PSEN1: variants seen among roughly 807,000 people sequenced by gnomAD.
PSEN1 encodes presenilin-1.
Under a neutral mutation model 53.5 loss-of-function variants are expected in PSEN1, and 15 were observed. The observed-to-expected ratio is 0.28, with a 90% CI of 0.19 to 0.43. The LOEUF (loss-of-function observed/expected upper bound fraction) is 0.43. PSEN1 is among the 20% of genes least tolerant of loss of function. The pLI is 1.00. For synonymous variants in PSEN1, 208 were observed against 209.8 expected, an observed-to-expected ratio of 0.99 and a Z score of 0.08; for missense variants, 387 against 571.2, an observed-to-expected ratio of 0.68 and a Z score of 3.29.
chr14:73,203,685 CAGAAAAA>C (rs1280637294), intron 8 of PSEN1, among the ~76,000 whole-genome samples: 1 of 152,086 alleles, frequency 6.6e-6, no homozygotes, highest in Non-Finnish European at 1.5e-5. Flanking sequence ...TGTCGTTTGA[CAGAAAAA>C]ATATACACCT....
chr14:73,176,338 C>T (rs1898046782), intron 5 of PSEN1, among the ~76,000 whole-genome samples: 1 of 152,160 alleles, frequency 6.6e-6, no homozygotes, highest in South Asian at 2.1e-4. Context: ...CTTTAGTTTC[C>T]CTGCTTTAGT....
chr14:73,145,765 A>G (rs1897052112), intron 1 of PSEN1, among the ~76,000 whole-genome samples: 2 of 152,232 alleles, frequency 1.3e-5, no homozygotes, highest in Admixed American at 6.5e-5. Flanking sequence ...CTGAACTGTC[A>G]TCAGGGACCG....
At chr14:73,166,339 C>G (rs891278920) in intron 3 of PSEN1, among the ~76,000 whole-genome samples, 2 of 152,126 alleles carry the variant, frequency 1.3e-5, no homozygotes, top group Non-Finnish European at 2.9e-5. Context: ...AGAAAGAAAA[C>G]AAGTTTTGAG....
chr14:73,140,493 G>A (rs1457377551), intron 1 of PSEN1, among the ~76,000 whole-genome samples: 1 of 152,078 alleles, frequency 6.6e-6, no homozygotes, highest in Non-Finnish European at 1.5e-5. Flanking sequence ...ACAGGTGCGA[G>A]CCACTGCACC....
chr14:73,171,052 G>A lies in PSEN1; in HGVS notation c.338+5G>A. ...TACCCGGAAGGATGGGCAGCTGTAC[G>A]TATGAGTTTTGTTTTATTATTCTCA... On this transcript the variant is annotated splice_donor_5th_base_variant and intron_variant, in intron 4 of 11. Coordinates refer to ENST00000324501, the MANE Select transcript of PSEN1 (RefSeq NM_000021.4). 2 of 1,614,072 alleles carry A rather than the reference G, an allele frequency of 1.2e-6. No individual in the cohort carries two copies. The highest frequency in any genetic ancestry group is 1.1e-5 in the South Asian group (1 of 91,074).
intron 3 of PSEN1, among the ~76,000 whole-genome samples, chr14:73,155,968 T>C (rs889004303): frequency 1.4e-4 from 22 of 152,314 alleles, no homozygotes; most frequent in African/African-American, 4.8e-4. Flanking sequence ...AGGATGTTGA[T>C]AGAGGCTGTT....
intron 8 of PSEN1, among the ~76,000 whole-genome samples, chr14:73,204,200 G>C (rs1374600448): frequency 1.3e-5 from 2 of 151,510 alleles, no homozygotes; most frequent in Non-Finnish European, 2.9e-5. Flanking sequence ...GTTTCTCCAT[G>C]TTGGTCAGGC....
intron 1 of PSEN1, chr14:73,137,264 G>T (rs902257379): frequency 6.6e-6 from 1 of 152,408 alleles, no homozygotes; most frequent in Admixed American, 6.5e-5. Context: ...GGTGGCAGAG[G>T]CTTACAAGAA....
chr14:73,143,506 A>G (rs1199336547), intron 1 of PSEN1, among the ~76,000 whole-genome samples: 2 of 152,042 alleles, frequency 1.3e-5, no homozygotes, highest in Non-Finnish European at 2.9e-5. Flanking sequence ...TCCTTTCCTC[A>G]TGAGGTTTCT....
chr14:73,152,956 T>C (rs1023983159), intron 3 of PSEN1, among the ~76,000 whole-genome samples: 2 of 152,122 alleles, frequency 1.3e-5, no homozygotes, highest in African/African-American at 2.4e-5. Context: ...AGCAAGAGGA[T>C]TGGTTTCAAG....
intron 1 of PSEN1, among the ~76,000 whole-genome samples, chr14:73,143,935 G>A (rs1164620860): frequency 7.5e-6 from 1 of 134,222 alleles, no homozygotes; most frequent in Non-Finnish European, 1.5e-5. Flanking sequence ...GCTGCAGTGA[G>A]CTATGATTGC....
rs1371962213 is a variant in PSEN1 at position 73,185,597 on chromosome 14, G to GA, written c.481-1255dup. ...GAGGGAGACCGTGGAAAGAGAGGGA[G>GA]AGGGAGACCGTGGGGAGAGAGAGGG... On this transcript the variant is annotated intron_variant, in intron 5 of 11. Transcript: ENST00000324501. 2.0e-5 allele frequency among the ~76,000 whole-genome samples: 3 copies of GA among 152,040 alleles called. No individual in the cohort carries two copies. In the East Asian group the frequency reaches 5.8e-4, roughly 29 times the overall value.
chr14:73,217,051 C>G (rs894951443), intron 10 of PSEN1, 75 bp from the exon 11 acceptor site: 1 of 1,442,250 alleles, frequency 6.9e-7, no homozygotes, highest in Non-Finnish European at 9.8e-7. Context: ...TTGAGTAGGG[C>G]AGTGATATTT....
rs1594964996 is a variant in PSEN1 at position 73,148,244 on chromosome 14, C to T, written c.87+138C>T. 5 of 751,506 alleles carry T rather than the reference C, an allele frequency of 6.7e-6. No individual in the cohort carries two copies. In the East Asian group the frequency reaches 1.3e-4, roughly 20 times the overall value. The allele number at this position is 751,506 out of a possible 1,614,324, so 46.6% of individuals were successfully genotyped here. ...TTATAATATATTTGGTGAACTTCAGCTGATTGCTGGAGGACACAGGGCTGT... is the reference window on the plus strand; with the variant it reads ...TTATAATATATTTGGTGAACTTCAGTTGATTGCTGGAGGACACAGGGCTGT... On this transcript the variant is annotated intron_variant, in intron 3 of 11. Transcript: ENST00000324501.
chr14:73,191,534 G>T (rs993975303), intron 6 of PSEN1, among the ~76,000 whole-genome samples: 1 of 151,724 alleles, frequency 6.6e-6, no homozygotes, highest in Non-Finnish European at 1.5e-5. Context: ...TCCAAAATAC[G>T]TACATATATT....
Position 73,217,119 on chromosome 14 carries a change from T to C in PSEN1, c.1130-7T>C. 6.2e-7 allele frequency: 1 copy of C among 1,614,002 alleles called. No individual in the cohort carries two copies. Among genetic ancestry groups the C allele is most frequent in the Non-Finnish European group, 8.5e-7 (1 of 1,179,858 alleles). The stretch of plus-strand genomic sequence containing the variant: ...ACTTTTTAATATTTGTAACCTTTCC[T>C]TTTTAGGGGGAGTAAAACTTGGATT... On this transcript the variant is annotated splice_region_variant and splice_polypyrimidine_tract_variant and intron_variant, in intron 10 of 11. Transcript: ENST00000324501.
At chr14:73,211,972 A>G (rs1899707569) in intron 10 of PSEN1, 30 bp downstream of exon 10, 4 of 1,608,298 alleles carry the variant, frequency 2.5e-6, no homozygotes, top group Non-Finnish European at 3.4e-6. Flanking sequence ...TTGCAAAGTC[A>G]TGGATTCCTT....
intron 3 of PSEN1, among the ~76,000 whole-genome samples, chr14:73,149,977 A>C (rs927736767): frequency 7.2e-5 from 11 of 152,244 alleles, no homozygotes; most frequent in Non-Finnish European, 1.6e-4. Flanking sequence ...TGCTGTGCAT[A>C]ATCTCATTCA....
intron 9 of PSEN1, chr14:73,208,858 G>T (rs566077284): frequency 4.2e-5 from 19 of 455,036 alleles, no homozygotes; most frequent in Non-Finnish European, 3.5e-5. Flanking sequence ...TCAACCTGCT[G>T]TCTATAGCTC....
Sources: gnomAD v4.1 joint callset for allele counts (sites outside exome capture counted in the v4.1 genomes callset) on GRCh38, gnomAD v4.1.1 for gene constraint, MANE v1.5 for transcripts, NCBI Gene and HGNC (gene_info 2026-07-23, HGNC 2026-07-21) for gene names.